Variants in NDUFAF4 observed in about 807,000 individuals in gnomAD.
The protein encoded by NDUFAF4 is NADH:ubiquinone oxidoreductase complex assembly factor 4.
NDUFAF4 carries 10 observed loss-of-function variants against 15.6 expected under a neutral mutation model. The ratio of observed to expected loss-of-function variants is 0.64; its 90% confidence interval spans 0.40 to 1.09. NDUFAF4 has a LOEUF of 1.09. Among genes scored for constraint, NDUFAF4 ranks in the 50% least tolerant of loss-of-function variants. The pLI, the probability that NDUFAF4 is intolerant of heterozygous loss-of-function variation, is 0.01. For synonymous variants in NDUFAF4, 77 were observed against 73.3 expected (o/e 1.05, Z -0.26); for missense variants, 203 against 207.3 (o/e 0.98, Z 0.13).
At chr6:96,896,978 G>A in intron 1 of NDUFAF4, 131 bp from the exon 2 acceptor site, 2 of 698,602 alleles carry the variant, frequency 2.9e-6, no homozygotes, top group Non-Finnish European at 5.0e-6. Flanking sequence ...CCAGACTGGA[G>A]TGCAGTCGCG....
chr6:96,895,340 C>T (rs1394758034), intron 2 of NDUFAF4, among the ~76,000 whole-genome samples: 1 of 151,852 alleles, frequency 6.6e-6, no homozygotes, highest in Non-Finnish European at 1.5e-5. Flanking sequence ...AAAAGTCAGA[C>T]AACAAATAAA....
At position 96,896,804 on chromosome 6, in the gene NDUFAF4, C is replaced by T. The variant is rs1300649414; in HGVS notation, c.180G>A (p.Lys60=). The part of the protein sequence containing the change: ...VKGEIARKDE[K]LLSFLKDVYV... ...ACACATCTTTTAGAAACGACAGCAG[C>T]TTTTCATCTTTACGAGCAATCTCTC... Residue 60 remains lysine (K), a synonymous_variant, in exon 2 of 3, where the codon AAG becomes AAA. Coordinates refer to ENST00000316149, the MANE Select transcript of NDUFAF4 (RefSeq NM_014165.4). 4.3e-6 allele frequency: 7 copies of T among 1,613,792 alleles called. No individual in the cohort carries two copies. The highest frequency in any genetic ancestry group is 5.9e-6 in the Non-Finnish European group (7 of 1,179,984).
At chr6:96,892,562 T>G (rs565676607) in intron 2 of NDUFAF4, among the ~76,000 whole-genome samples, 1 of 152,302 alleles carries the variant, frequency 6.6e-6, no homozygotes, top group Admixed American at 6.5e-5. Flanking sequence ...CTATCTCTAA[T>G]GACTGCCTAG....
Position 96,889,901 on chromosome 6 carries a change from T to C in NDUFAF4, c.*1203A>G, listed in dbSNP as rs190331411. On this transcript the variant is annotated 3_prime_UTR_variant, in exon 3 of 3. Transcript: ENST00000316149. ...AACTACAGAATCTTCGGTCATATATTCTCCCCAGGCACTTGTTTCTCCACC... is the reference window on the plus strand; with the variant it reads ...AACTACAGAATCTTCGGTCATATATCCTCCCCAGGCACTTGTTTCTCCACC... The C allele has an allele frequency of 2.2e-4, 33 of 152,242 alleles. No homozygotes were observed. The East Asian group carries it at 6.2e-3, about 29-fold the overall frequency. The allele number at this position is 152,242 out of a possible 1,614,324, so 9.4% of individuals were successfully genotyped here. A position where few individuals can be genotyped will look rare whatever the true frequency, so the allele number is the denominator to read the frequency against.
At chr6:96,893,290 C>T (rs764022942) in intron 2 of NDUFAF4, among the ~76,000 whole-genome samples, 8 of 152,140 alleles carry the variant, frequency 5.3e-5, no homozygotes, top group Non-Finnish European at 1.0e-4. Flanking sequence ...TTTGTTCCCC[C>T]GCCAGGCTAC....
intron 1 of NDUFAF4, among the ~76,000 whole-genome samples, chr6:96,897,314 T>C (rs927759457): frequency 5.3e-5 from 8 of 152,246 alleles, no homozygotes; most frequent in Admixed American, 1.3e-4. Flanking sequence ...CAGGTCAGGC[T>C]CTGCGTCCAT....
At position 96,896,798 on chromosome 6, in the gene NDUFAF4, C is replaced by A; in HGVS notation, c.186G>T (p.Leu62=). ...CAACATACACATCTTTTAGAAACGA[C>A]AGCAGCTTTTCATCTTTACGAGCAA... ...GEIARKDEKL[L]SFLKDVYVDS... is the part of the protein sequence containing the mutation. Residue 62 remains leucine (L), a synonymous_variant, in exon 2 of 3, where the codon CTG becomes CTT. Transcript: ENST00000316149. 1.9e-6 allele frequency: 3 copies of A among 1,613,924 alleles called. No individual in the cohort carries two copies. Among genetic ancestry groups the A allele is most frequent in the Non-Finnish European group, 2.5e-6 (3 of 1,180,002 alleles).
chr6:96,890,497 G>A lies in NDUFAF4; in HGVS notation c.*607C>T, dbSNP rs1775301409. Reference sequence around the variant, plus strand: ...ACACCACTAATTACTTTTTATAACTGTAAAGACAATTATTCCATACTTAAA... The same window carrying A: ...ACACCACTAATTACTTTTTATAACTATAAAGACAATTATTCCATACTTAAA... On this transcript the variant is annotated 3_prime_UTR_variant, in exon 3 of 3. Coordinates refer to ENST00000316149, the MANE Select transcript of NDUFAF4 (RefSeq NM_014165.4). The A allele has an allele frequency of 6.6e-6, 1 of 152,034 alleles. No individual in the cohort carries two copies. The highest frequency in any genetic ancestry group is 1.5e-5 in the Non-Finnish European group (1 of 68,042). 9.4% of individuals were successfully genotyped at this position (152,034 alleles called of 1,614,324 possible).
At chr6:96,894,605 AT>A (rs1247446410) in intron 2 of NDUFAF4, among the ~76,000 whole-genome samples, 1 of 152,202 alleles carries the variant, frequency 6.6e-6, no homozygotes, top group Non-Finnish European at 1.5e-5. Flanking sequence ...AGCAGTATAT[AT>A]AGGGTTCAGT....
At chr6:96,894,729 C>G (rs1316470362) in intron 2 of NDUFAF4, among the ~76,000 whole-genome samples, 3 of 152,156 alleles carry the variant, frequency 2.0e-5, no homozygotes, top group Admixed American at 6.5e-5. Flanking sequence ...AAGCTCCCAT[C>G]ACAGTAACAA....
intron 1 of NDUFAF4, among the ~76,000 whole-genome samples, chr6:96,897,458 G>A (rs1484821503): frequency 6.6e-6 from 1 of 152,186 alleles, no homozygotes; most frequent in Non-Finnish European, 1.5e-5. Flanking sequence ...CTCGGAAGTA[G>A]GCGGGGCCGC....
At chr6:96,891,698 T>C (rs1056523558) in intron 2 of NDUFAF4, among the ~76,000 whole-genome samples, 1 of 151,828 alleles carries the variant, frequency 6.6e-6, no homozygotes, top group Non-Finnish European at 1.5e-5. Flanking sequence ...GCTCTGGCAA[T>C]ATAAGCCGTG....
Position 96,890,957 on chromosome 6 carries a change from G to T in NDUFAF4, c.*147C>A. On this transcript the variant is annotated 3_prime_UTR_variant, in exon 3 of 3. Transcript: ENST00000316149. ...AGATATTCTATGGCAATCTTGAAAA[G>T]TCAGGGAGCTCAATAAATATTAAGA... 2 of 736,690 alleles carry T rather than the reference G, an allele frequency of 2.7e-6. No individual in the cohort carries two copies. Among genetic ancestry groups the T allele is most frequent in the Non-Finnish European group, 4.3e-6 (2 of 460,218 alleles). 45.6% of individuals were successfully genotyped at this position (736,690 alleles called of 1,614,324 possible). A position where few individuals can be genotyped will look rare whatever the true frequency, so the allele number is the denominator to read the frequency against.
At position 96,891,277 on chromosome 6, in the gene NDUFAF4, C is replaced by T; in HGVS notation, c.355G>A (p.Ala119Thr). Reference protein sequence around the residue: ...IPKGKISIVEALTLLNNHKLF... With the variant: ...IPKGKISIVETLTLLNNHKLF... ...TTATGATTATTGAGAAGTGTCAATGCTTCTACAATGGAAATTTTGCCTTTG... is the reference window on the plus strand; with the variant it reads ...TTATGATTATTGAGAAGTGTCAATGTTTCTACAATGGAAATTTTGCCTTTG... The change falls in exon 3 of 3, where the codon GCA (alanine) becomes ACA (threonine). Residue 119 changes from alanine (A) to threonine (T), a missense_variant. Physicochemically the swap from Ala to Thr is moderately conservative, Grantham distance 58. Coordinates refer to ENST00000316149, the MANE Select transcript of NDUFAF4 (RefSeq NM_014165.4). The T allele has an allele frequency of 1.2e-6, 2 of 1,613,766 alleles. No homozygotes were observed. Among genetic ancestry groups the T allele is most frequent in the African/African-American group, 2.7e-5 (2 of 74,980 alleles).
At chr6:96,894,621 C>T (rs6920484) in intron 2 of NDUFAF4, among the ~76,000 whole-genome samples, 34,212 of 152,054 alleles carry the variant, frequency 0.22, 3,989 homozygotes, top group Admixed American at 0.32. Flanking sequence ...TTCAGTACTA[C>T]GCTCAGTTTC....
In NDUFAF4 at chr6:96,895,249, T is replaced by C. The variant is rs150120286; in HGVS notation, c.240+1495A>G. On this transcript the variant is annotated intron_variant, in intron 2 of 2. Transcript: ENST00000316149. ...AGAAAATACAGAAGAGTTTATATGA[T>C]GGTAGAGTGGGCCCAGTATTCCTTT... Among the ~76,000 whole-genome samples the C allele has an allele frequency of 3.4e-3, 518 of 152,290 alleles. 1 individual carries two copies. The highest frequency in any genetic ancestry group is 0.011 in the African/African-American group (449 of 41,558).
In NDUFAF4 at chr6:96,891,062, G is replaced by C. The variant is rs543090163; in HGVS notation, c.*42C>G. The C allele has an allele frequency of 5.4e-5, 84 of 1,549,462 alleles. No individual in the cohort carries two copies. In the East Asian group the frequency reaches 9.2e-4, roughly 17 times the overall value. On this transcript the variant is annotated 3_prime_UTR_variant, in exon 3 of 3. Transcript: ENST00000316149. ...GCAAAAAATGAGAAAATATACAGCA[G>C]GAGGGATGAGGAGTACACATAGGAA...
intron 2 of NDUFAF4, among the ~76,000 whole-genome samples, chr6:96,893,523 T>C (rs756742249): frequency 6.6e-6 from 1 of 152,190 alleles, no homozygotes; most frequent in East Asian, 1.9e-4. Context: ...TGTATCTTTA[T>C]ATTGCAAACT....
chr6:96,897,525 C>A (rs1159994034), intron 1 of NDUFAF4, 141 bp downstream of exon 1: 1 of 1,288,356 alleles, frequency 7.8e-7, no homozygotes, highest in East Asian at 2.5e-5. Flanking sequence ...GCGGCTCCCC[C>A]TTCCAACGCT....
Sources: allele counts gnomAD v4.1 joint callset (sites outside exome capture counted in the v4.1 genomes callset), GRCh38; gene constraint gnomAD v4.1.1; transcripts MANE v1.5; gene names NCBI Gene and HGNC (gene_info 2026-07-23, HGNC 2026-07-21).